LINGO2: variants seen among roughly 807,000 people sequenced by gnomAD.
LINGO2 encodes the protein leucine-rich repeat and immunoglobulin-like domain-containing nogo receptor-interacting protein 2.
LINGO2 carries 14 observed loss-of-function variants against 30.6 expected under a neutral mutation model. The ratio of observed to expected loss-of-function variants is 0.46; its 90% CI spans 0.30 to 0.72. LINGO2 has a LOEUF of 0.72. Among genes scored for constraint, LINGO2 ranks in the 30% least tolerant of loss-of-function variants. The pLI is 0.07. For synonymous variants in LINGO2, 317 were observed against 288.5 expected (o/e 1.10, Z -1.00); for missense variants, 729 against 751.7 (o/e 0.97, Z 0.35).
the LINGO2 span, among the ~76,000 whole-genome samples, chr9:28,839,836 C>A: frequency 6.6e-6 from 1 of 152,152 alleles, no homozygotes; most frequent in East Asian, 1.9e-4. Context: ...AGGCTATCTG[C>A]CTCCTGCTGG....
the LINGO2 span, among the ~76,000 whole-genome samples, chr9:28,724,358 T>C: frequency 1.3e-5 from 2 of 152,092 alleles, no homozygotes; most frequent in African/African-American, 4.8e-5. Flanking sequence ...CCAAGGGAAA[T>C]ATTGATCAAT....
At chr9:29,152,105 C>T in the LINGO2 span, among the ~76,000 whole-genome samples, 1 of 151,952 alleles carries the variant, frequency 6.6e-6, no homozygotes, top group Non-Finnish European at 1.5e-5. Flanking sequence ...AAATCCAAAC[C>T]ACAATGAAAT....
chr9:28,383,404 A>G (rs1246580103), intron 2 of LINGO2, among the ~76,000 whole-genome samples: 3 of 151,976 alleles, frequency 2.0e-5, no homozygotes, highest in African/African-American at 7.2e-5. Context: ...AGTATGAAAA[A>G]GGCTTGAGAA....
At chr9:29,212,368 G>C in the LINGO2 span, among the ~76,000 whole-genome samples, 2 of 151,898 alleles carry the variant, frequency 1.3e-5, no homozygotes, top group Admixed American at 6.6e-5. Context: ...TCTAGCGGAG[G>C]CGAAGGGAAC....
At chr9:28,795,573 T>C in the LINGO2 span, among the ~76,000 whole-genome samples, 1 of 151,564 alleles carries the variant, frequency 6.6e-6, no homozygotes, top group South Asian at 2.1e-4. Context: ...TAATATATCT[T>C]ATATATCTTT....
At chr9:28,235,746 G>C in intron 4 of LINGO2, among the ~76,000 whole-genome samples, 1 of 152,120 alleles carries the variant, frequency 6.6e-6, no homozygotes, top group Non-Finnish European at 1.5e-5. Context: ...CAAGCAGAAA[G>C]AATTAGTGAG....
chr9:28,560,525 C>T lies in LINGO2; in HGVS notation c.-364-84500G>A, dbSNP rs148654730. 7.1e-3 allele frequency among the ~76,000 whole-genome samples: 1,079 copies of T among 152,102 alleles called. 14 individuals are homozygous for T. Among genetic ancestry groups the T allele is most frequent in the African/African-American group, 0.025 (1,020 of 41,516 alleles). ...CAATCCTTAAGTCATCTTCTATATACGTATACACATCCTATTGATTGTCTT... is the reference window on the plus strand; with the variant it reads ...CAATCCTTAAGTCATCTTCTATATATGTATACACATCCTATTGATTGTCTT... On this transcript the variant is annotated intron_variant, in intron 1 of 5. Coordinates refer to ENST00000379992, the Ensembl canonical transcript of LINGO2.
At chr9:28,317,098 T>C (rs187839845) in intron 3 of LINGO2, among the ~76,000 whole-genome samples, 1 of 152,298 alleles carries the variant, frequency 6.6e-6, no homozygotes, top group East Asian at 1.9e-4. Flanking sequence ...TGTATTAATG[T>C]ATTCCAATTA....
intron 5 of LINGO2, among the ~76,000 whole-genome samples, chr9:27,952,887 T>C (rs1230438467): frequency 2.6e-5 from 4 of 152,128 alleles, no homozygotes; most frequent in Non-Finnish European, 5.9e-5. Context: ...TTGACTCTGT[T>C]GTACACATTT....
At chr9:28,360,164 C>A (rs956843863) in intron 3 of LINGO2, among the ~76,000 whole-genome samples, 2 of 152,116 alleles carry the variant, frequency 1.3e-5, no homozygotes, top group Admixed American at 6.5e-5. Flanking sequence ...CATTAAACTG[C>A]ATATAATGTA....
chr9:29,122,605 T>G, the LINGO2 span, among the ~76,000 whole-genome samples: 5 of 152,186 alleles, frequency 3.3e-5, no homozygotes, highest in Admixed American at 3.3e-4. Context: ...AATCTTTTTA[T>G]TTAGTGTTCT....
the LINGO2 span, among the ~76,000 whole-genome samples, chr9:28,926,254 C>T: frequency 6.6e-6 from 1 of 152,188 alleles, no homozygotes; most frequent in Admixed American, 6.5e-5. Context: ...GCAGAGGTTG[C>T]AGTGAGCCGA....
chr9:28,687,121 T>C, the LINGO2 span, among the ~76,000 whole-genome samples: 1 of 152,094 alleles, frequency 6.6e-6, no homozygotes, highest in Non-Finnish European at 1.5e-5. Context: ...ACAAACTATG[T>C]GTGGAAGTCA....
chr9:28,942,246 T>C, the LINGO2 span, among the ~76,000 whole-genome samples: 1 of 152,202 alleles, frequency 6.6e-6, no homozygotes, highest in Non-Finnish European at 1.5e-5. Flanking sequence ...TTGGAAGTTG[T>C]TTCCTTGAAA....
intron 4 of LINGO2, among the ~76,000 whole-genome samples, chr9:28,287,883 G>GTCAC (rs1487940719): frequency 2.5e-4 from 38 of 152,254 alleles, no homozygotes; most frequent in Non-Finnish European, 5.0e-4. Flanking sequence ...TTTAAAGTCA[G>GTCAC]TTTTATAAAG....
At chr9:28,609,106 C>A (rs1353362772) in intron 1 of LINGO2, among the ~76,000 whole-genome samples, 4 of 150,504 alleles carry the variant, frequency 2.7e-5, no homozygotes, top group African/African-American at 9.8e-5. Context: ...TATGCATCAG[C>A]CATCTAAAGA....
At chr9:28,710,421 T>C in the LINGO2 span, among the ~76,000 whole-genome samples, 1 of 152,162 alleles carries the variant, frequency 6.6e-6, no homozygotes. Context: ...ATTGAGGTTG[T>C]TGGATAAGTG....
At chr9:28,447,399 C>A (rs899686681) in intron 2 of LINGO2, among the ~76,000 whole-genome samples, 3 of 152,178 alleles carry the variant, frequency 2.0e-5, no homozygotes, top group African/African-American at 7.2e-5. Flanking sequence ...ATGTGCGAAC[C>A]AGAAGAGTGA....
chr9:28,202,339 G>A (rs1820266542), intron 4 of LINGO2, among the ~76,000 whole-genome samples: 1 of 152,036 alleles, frequency 6.6e-6, no homozygotes, highest in African/African-American at 2.4e-5. Context: ...GCATCTAACA[G>A]ACACCATTTG....
Sources: allele counts gnomAD v4.1 joint callset (sites outside exome capture counted in the v4.1 genomes callset), GRCh38; gene constraint gnomAD v4.1.1; transcripts MANE v1.5; gene names NCBI Gene and HGNC (gene_info 2026-07-23, HGNC 2026-07-21).